Variants in GSN observed in about 807,000 individuals in gnomAD.
The protein encoded by GSN is actin-depolymerizing factor.
GSN carries 56 observed loss-of-function variants against 85.7 expected under a neutral mutation model. The observed-to-expected ratio is 0.65, with a 90% CI of 0.53 to 0.82. The LOEUF (loss-of-function observed/expected upper bound fraction) is 0.82. GSN is among the 40% of genes least tolerant of loss of function. GSN has a pLI of 0.00. For missense variants in GSN, 857 were observed against 979.8 expected, an observed-to-expected ratio of 0.87 and a Z score of 1.67; for synonymous variants, 373 against 399.1, an observed-to-expected ratio of 0.93 and a Z score of 0.78.
intron 16 of GSN, among the ~76,000 whole-genome samples, chr9:121,330,581 AAGTG>A (rs1349336847): frequency 6.6e-6 from 1 of 152,252 alleles, no homozygotes; most frequent in Non-Finnish European, 1.5e-5. Flanking sequence ...TCTCAAAAAA[AAGTG>A]AGAAAAATGA....
intron 5 of GSN, among the ~76,000 whole-genome samples, chr9:121,244,778 G>T (rs753980905): frequency 6.6e-6 from 1 of 152,164 alleles, no homozygotes; most frequent in South Asian, 2.1e-4. Flanking sequence ...CCACTACTAT[G>T]TGTGATCTCC....
At chr9:121,317,513 A>G (rs989426260) in intron 8 of GSN, 4 of 416,940 alleles carry the variant, frequency 9.6e-6, no homozygotes, top group Non-Finnish European at 1.8e-5. Flanking sequence ...TTATGTAGAA[A>G]ACATCTAACT....
intron 4 of GSN, among the ~76,000 whole-genome samples, chr9:121,230,201 T>C (rs1490978905): frequency 6.6e-6 from 1 of 152,174 alleles, no homozygotes; most frequent in Non-Finnish European, 1.5e-5. Context: ...TGGTACCAGA[T>C]ATTCCAGGCT....
At chr9:121,248,569 G>A (rs1588476696) in intron 6 of GSN, among the ~76,000 whole-genome samples, 1 of 152,096 alleles carries the variant, frequency 6.6e-6, no homozygotes, top group Non-Finnish European at 1.5e-5. Flanking sequence ...ATGAGATCTG[G>A]TTACTGCTCT....
intron 2 of GSN, among the ~76,000 whole-genome samples, chr9:121,298,864 C>T (rs1324124927): frequency 6.6e-6 from 1 of 152,084 alleles, no homozygotes; most frequent in Non-Finnish European, 1.5e-5. Context: ...CTTCCCTTAA[C>T]CCAATGACTC....
chr9:121,229,423 T>A (rs1186251693), intron 4 of GSN, among the ~76,000 whole-genome samples: 1 of 152,176 alleles, frequency 6.6e-6, no homozygotes. Context: ...TTTCGCCATG[T>A]TGGCCAGGCT....
chr9:121,282,233 C>G, intron 2 of GSN: 1 of 582,822 alleles, frequency 1.7e-6, no homozygotes, highest in East Asian at 3.0e-5. Flanking sequence ...CTTGGTCTCC[C>G]CCTACCCACC....
chr9:121,223,518 A>G (rs556138187), intron 4 of GSN, among the ~76,000 whole-genome samples: 1 of 152,298 alleles, frequency 6.6e-6, no homozygotes, highest in Non-Finnish European at 1.5e-5. Flanking sequence ...TCACCAAAGT[A>G]TATATCATGG....
chr9:121,284,029 C>G (rs1315675478), intron 2 of GSN: 3 of 166,918 alleles, frequency 1.8e-5, no homozygotes, highest in Non-Finnish European at 4.4e-5. Flanking sequence ...GAGGGGGAGT[C>G]CTTGAGGAAC....
chr9:121,233,462 CTAAATAAA>C (rs10695273), intron 5 of GSN, among the ~76,000 whole-genome samples: 3,096 of 151,692 alleles, frequency 0.02, 51 homozygotes, highest in Middle Eastern at 0.048. Context: ...GAGACTCCAT[CTAAATAAA>C]TAAATAAATA....
chr9:121,312,651 G>T, intron 6 of GSN, 163 bp downstream of exon 6: 1 of 627,014 alleles, frequency 1.6e-6, no homozygotes, highest in South Asian at 2.4e-5. Context: ...TTTGAGACAG[G>T]ATCTTATTCA....
At chr9:121,290,102 G>T (rs1469892250) in intron 2 of GSN, among the ~76,000 whole-genome samples, 1 of 152,132 alleles carries the variant, frequency 6.6e-6, no homozygotes, top group African/African-American at 2.4e-5. Flanking sequence ...TACTGTCTTG[G>T]TGGGATGACC....
At chr9:121,216,499 T>C (rs2054067041) in intron 4 of GSN, among the ~76,000 whole-genome samples, 1 of 152,226 alleles carries the variant, frequency 6.6e-6, no homozygotes, top group African/African-American at 2.4e-5. Context: ...TTGCTTGCTA[T>C]ATTTCCCCCA....
intron 6 of GSN, among the ~76,000 whole-genome samples, chr9:121,253,961 C>T (rs1168498468): frequency 6.6e-6 from 1 of 152,136 alleles, no homozygotes; most frequent in Non-Finnish European, 1.5e-5. Flanking sequence ...TTCCTCTGGT[C>T]TCCTACTCTT....
intron 1 of GSN, among the ~76,000 whole-genome samples, chr9:121,279,573 T>G: frequency 1.3e-5 from 2 of 150,144 alleles, no homozygotes; most frequent in Non-Finnish European, 1.5e-5. Flanking sequence ...AAGGGGTGAG[T>G]GGTGTGTTGA....
intron 5 of GSN, among the ~76,000 whole-genome samples, chr9:121,233,632 C>T (rs1378858236): frequency 2.6e-5 from 4 of 152,158 alleles, no homozygotes; most frequent in Admixed American, 2.6e-4. Context: ...TCGTAAGAGA[C>T]TCCAAGCAAG....
intron 6 of GSN, among the ~76,000 whole-genome samples, chr9:121,250,093 C>T (rs1303379576): frequency 1.3e-5 from 2 of 152,012 alleles, no homozygotes; most frequent in African/African-American, 2.4e-5. Context: ...TAGCTCTGGT[C>T]GTACTTTCAT....
At chr9:121,298,868 A>G (rs937923188) in intron 2 of GSN, among the ~76,000 whole-genome samples, 6 of 152,112 alleles carry the variant, frequency 3.9e-5, no homozygotes, top group East Asian at 1.9e-4. Flanking sequence ...CCTTAACCCA[A>G]TGACTCTAGT....
intron 5 of GSN, among the ~76,000 whole-genome samples, chr9:121,236,846 A>G (rs1248226414): frequency 1.3e-5 from 2 of 152,216 alleles, no homozygotes; most frequent in Non-Finnish European, 2.9e-5. Context: ...CAAATCAGGG[A>G]TTTTCCAAAG....
Sources: gnomAD v4.1 joint callset for allele counts (sites outside exome capture counted in the v4.1 genomes callset) on GRCh38, gnomAD v4.1.1 for gene constraint, MANE v1.5 for transcripts, NCBI Gene and HGNC (gene_info 2026-07-23, HGNC 2026-07-21) for gene names.